Variants in TIMELESS observed in about 807,000 individuals in gnomAD.
TIMELESS encodes timeless circadian regulator.
In TIMELESS, 124 loss-of-function variants were observed where a neutral mutation model predicts 164.3. The ratio of observed to expected loss-of-function variants is 0.75; its 90% CI spans 0.65 to 0.88. The LOEUF (loss-of-function observed/expected upper bound fraction) is 0.88, where lower values mean the gene tolerates loss of function less well. Among genes scored for constraint, TIMELESS ranks in the 40% least tolerant of loss-of-function variants. The pLI is 0.00. For missense variants in TIMELESS, 1,422 were observed against 1,491.4 expected, an observed-to-expected ratio of 0.95 and a Z score of 0.77; for synonymous variants, 564 against 563.4, an observed-to-expected ratio of 1.00 and a Z score of -0.02.
intron 22 of TIMELESS, 94 bp downstream of exon 22, chr12:56,421,633 G>A: frequency 6.5e-7 from 1 of 1,535,992 alleles, no homozygotes; most frequent in Non-Finnish European, 9.0e-7. Flanking sequence ...AGAAGGGATG[G>A]GAGAATCTTT....
At chr12:56,422,222 A>G in intron 19 of TIMELESS, 31 bp from the exon 20 acceptor site, 1 of 1,607,492 alleles carries the variant, frequency 6.2e-7, no homozygotes, top group South Asian at 1.1e-5. Flanking sequence ...GGGAGCATAT[A>G]GGTTCTTGGC....
chr12:56,438,200 A>C (rs199972854), intron 1 of TIMELESS, among the ~76,000 whole-genome samples: 1 of 151,984 alleles, frequency 6.6e-6, no homozygotes, highest in African/African-American at 2.4e-5. Flanking sequence ...CATGCACCAC[A>C]ACACCCAGCT....
chr12:56,418,434 T>C (rs1881344966), intron 26 of TIMELESS, 75 bp from the exon 27 acceptor site: 1 of 1,059,186 alleles, frequency 9.4e-7, no homozygotes, highest in Admixed American at 2.3e-5. Flanking sequence ...ATTGAATATA[T>C]ATGACCCAAT....
At chr12:56,447,333 A>G (rs1225188367) in intron 1 of TIMELESS, among the ~76,000 whole-genome samples, 1 of 151,960 alleles carries the variant, frequency 6.6e-6, no homozygotes, top group Non-Finnish European at 1.5e-5. Flanking sequence ...TAACTATCCT[A>G]TGTTAACTGC....
intron 26 of TIMELESS, among the ~76,000 whole-genome samples, chr12:56,419,646 T>C (rs1037627016): frequency 1.2e-4 from 18 of 152,006 alleles, no homozygotes; most frequent in African/African-American, 3.4e-4. Context: ...GGGATGCCAT[T>C]TGGAGTTTGT....
chr12:56,431,370 A>AAAAAAAAAC, intron 8 of TIMELESS, 101 bp downstream of exon 8: 3 of 1,326,950 alleles, frequency 2.3e-6, no homozygotes, highest in Non-Finnish European at 2.0e-6. Context: ...AAAAAAAAAA[A>AAAAAAAAAC]AACACTAAAA....
At position 56,430,227 on chromosome 12, in the gene TIMELESS, G is replaced by A. The variant is rs756535578; in HGVS notation, c.964C>T (p.Arg322Cys). Residue 322 changes from arginine (R) to cysteine (C), a missense_variant, in exon 10 of 29, where the codon CGC (arginine) becomes TGC (cysteine). Coordinates refer to ENST00000553532, the MANE Select transcript of TIMELESS (RefSeq NM_003920.5). ...ATGGACAGCTCTCGGGCGGCCTGGC[G>A]ACGTTTAGGCACCTTTTTCGGCTGC... ...GKQPKKVPKR[R>C]QAARELSIQR... 19 of 1,613,882 alleles carry A rather than the reference G, an allele frequency of 1.2e-5. No individual in the cohort carries two copies. Among genetic ancestry groups the A allele is most frequent in the African/African-American group, 4.0e-5 (3 of 74,880 alleles).
Position 56,428,621 on chromosome 12 carries a change from G to T in TIMELESS, c.1336C>A (p.Leu446Met). 1 of 1,614,102 alleles carries T rather than the reference G, an allele frequency of 6.2e-7. No individual in the cohort carries two copies. Among genetic ancestry groups the T allele is most frequent in the Non-Finnish European group, 8.5e-7 (1 of 1,180,016 alleles). Residue 446 changes from leucine to methionine, a missense_variant, in exon 12 of 29, where the codon CTG becomes ATG. By Grantham distance (15) the Leu-to-Met change is conservative (BLOSUM62 2). Coordinates refer to ENST00000553532, the MANE Select transcript of TIMELESS (RefSeq NM_003920.5). The stretch of plus-strand genomic sequence containing the variant: ...TCCATCTCATTCACTGTTGCCAGCA[G>T]CTCCTGATAGGCCTTCAGAGCCAAG... ...MHLALKAYQELLATVNEMDIS... is the reference protein window; with the variant it reads ...MHLALKAYQEMLATVNEMDIS...
chr12:56,449,127 C>G (rs887086952), intron 1 of TIMELESS, among the ~76,000 whole-genome samples, 183 bp downstream of exon 1: 1 of 152,278 alleles, frequency 6.6e-6, no homozygotes, highest in South Asian at 2.1e-4. Context: ...GACCCGGGAA[C>G]GCGGCGCGGG....
At position 56,418,213 on chromosome 12, in the gene TIMELESS, G is replaced by T; in HGVS notation, c.3375C>A (p.His1125Gln). ...VPGEQGSDEE[H>Q]CKEHRAQALR... ...GGGCTTGTGCTCGGTGCTCTTTACA[G>T]TGCTCCTCATCAGAGCCTTGCTCTC... The change falls in exon 27 of 29, where the codon CAC becomes CAA. Residue 1125 changes from histidine to glutamine, a missense_variant. His to Gln is a conservative substitution (Grantham distance 24). Coordinates refer to ENST00000553532, the MANE Select transcript of TIMELESS (RefSeq NM_003920.5). 6.2e-7 allele frequency: 1 copy of T among 1,614,214 alleles called. No individual in the cohort carries two copies. Among genetic ancestry groups the T allele is most frequent in the Non-Finnish European group, 8.5e-7 (1 of 1,180,046 alleles).
chr12:56,447,235 C>T (rs1245514308), intron 1 of TIMELESS, among the ~76,000 whole-genome samples: 1 of 136,100 alleles, frequency 7.3e-6, no homozygotes, highest in Non-Finnish European at 1.5e-5. Context: ...TCTTATTCAC[C>T]CTTGAACTTT....
chr12:56,432,439 G>A lies in TIMELESS; in HGVS notation c.617C>T (p.Ala206Val). The change falls in exon 7 of 29, where the codon GCC (alanine) becomes GTC (valine). Residue 206 changes from alanine (A) to valine (V), a missense_variant. Transcript: ENST00000553532. ...SGLDDLLLFLASSSAEEQWSL... is the reference protein window; with the variant it reads ...SGLDDLLLFLVSSSAEEQWSL... ...CCATTGCTCCTCAGCAGACGAGCTG[G>A]CCAGAAAGAGGAGCAGGTCATCCAG... 1 of 1,614,214 alleles carries A rather than the reference G, an allele frequency of 6.2e-7. No homozygotes were observed. The highest frequency in any genetic ancestry group is 1.1e-5 in the South Asian group (1 of 91,084).
At chr12:56,438,172 A>G (rs566799235) in intron 1 of TIMELESS, among the ~76,000 whole-genome samples, 12 of 152,142 alleles carry the variant, frequency 7.9e-5, no homozygotes, top group Non-Finnish European at 1.3e-4. Flanking sequence ...CAGCGTCCCA[A>G]GTAGCTGGGA....
chr12:56,426,514 G>A (rs890569926), intron 13 of TIMELESS, among the ~76,000 whole-genome samples: 2 of 150,748 alleles, frequency 1.3e-5, no homozygotes, highest in Non-Finnish European at 2.9e-5. Context: ...AGCCTCCCAA[G>A]TACCTGGGAT....
chr12:56,433,399 C>T lies in TIMELESS; in HGVS notation c.411G>A (p.Leu137=), dbSNP rs1256930313. 1.9e-6 allele frequency: 3 copies of T among 1,614,174 alleles called. No individual in the cohort carries two copies. Among genetic ancestry groups the T allele is most frequent in the Admixed American group, 1.7e-5 (1 of 60,012 alleles). ...EKAFGVLSET[L]YELLQLGWEE... ...CACTCACCAGCTGCAGCAGCTCATACAAGGTTTCACTGAGGACTCCAAAAG... is the reference window on the plus strand; with the variant it reads ...CACTCACCAGCTGCAGCAGCTCATATAAGGTTTCACTGAGGACTCCAAAAG... The change falls in exon 5 of 29, where the codon TTG becomes TTA. Residue 137 remains leucine (L), a synonymous_variant. Transcript: ENST00000553532.
At chr12:56,445,810 C>T (rs1868343093) in intron 1 of TIMELESS, among the ~76,000 whole-genome samples, 1 of 152,122 alleles carries the variant, frequency 6.6e-6, no homozygotes, top group African/African-American at 2.4e-5. Context: ...CAGTTGCTGT[C>T]TATCCTTCTA....
chr12:56,423,174 G>A, intron 18 of TIMELESS, 100 bp downstream of exon 18: 1 of 1,466,006 alleles, frequency 6.8e-7, no homozygotes, highest in Non-Finnish European at 9.3e-7. Context: ...CCATCTCCCA[G>A]CCCTTGACAC....
chr12:56,423,263 T>C lies in TIMELESS; in HGVS notation c.2292+11A>G. The C allele has an allele frequency of 6.2e-7, 1 of 1,613,938 alleles. No homozygotes were observed. Among genetic ancestry groups the C allele is most frequent in the Non-Finnish European group, 8.5e-7 (1 of 1,179,926 alleles). On this transcript the variant is annotated intron_variant, in intron 18 of 28. Coordinates refer to ENST00000553532, the MANE Select transcript of TIMELESS (RefSeq NM_003920.5). Reference sequence around the variant, plus strand: ...ACCCTTCCAGAACCCCATTCCTTGTTATCCCCTCACTTTGTAGGCTCCAGC... The same window carrying C: ...ACCCTTCCAGAACCCCATTCCTTGTCATCCCCTCACTTTGTAGGCTCCAGC...
intron 1 of TIMELESS, among the ~76,000 whole-genome samples, chr12:56,440,661 G>A (rs771117846): frequency 1.3e-5 from 2 of 152,110 alleles, no homozygotes; most frequent in Non-Finnish European, 2.9e-5. Flanking sequence ...ACCCTCACAA[G>A]ATATTAGGGA....
Sources: allele counts gnomAD v4.1 joint callset (sites outside exome capture counted in the v4.1 genomes callset), GRCh38; gene constraint gnomAD v4.1.1; transcripts MANE v1.5; gene names NCBI Gene and HGNC (gene_info 2026-07-23, HGNC 2026-07-21).